ASIC2: variants seen among roughly 807,000 people sequenced by gnomAD.
The protein encoded by ASIC2 is acid-sensing ion channel 2.
A neutral mutation model predicts 57.3 loss-of-function variants in ASIC2; 25 were observed. That is an observed-to-expected ratio of 0.44 (90% CI 0.32 to 0.61). ASIC2 has a LOEUF of 0.61. Among genes scored for constraint, ASIC2 ranks in the 20% least tolerant of loss-of-function variants. ASIC2 has a pLI of 0.06. For missense variants in ASIC2, 641 were observed against 738.1 expected (o/e 0.87, Z 1.52); for synonymous variants, 319 against 307.5 (o/e 1.04, Z -0.39).
intron 1 of ASIC2, chr17:34,039,452 C>T: frequency 6.2e-7 from 1 of 1,613,636 alleles, no homozygotes; most frequent in Non-Finnish European, 8.5e-7. Context: ...GACTGCTCCT[C>T]CGTTGCCTCC....
intron 1 of ASIC2, among the ~76,000 whole-genome samples, chr17:34,052,243 C>G (rs1002657831): frequency 1.3e-5 from 2 of 152,140 alleles, no homozygotes; most frequent in Non-Finnish European, 2.9e-5. Context: ...CCTTATTGCC[C>G]CTGAGCCAAG....
At chr17:33,609,475 C>T (rs1182986711) in intron 1 of ASIC2, among the ~76,000 whole-genome samples, 1 of 152,164 alleles carries the variant, frequency 6.6e-6, no homozygotes, top group Non-Finnish European at 1.5e-5. Flanking sequence ...TTCTTCACAT[C>T]CTGATCCTCC....
intron 1 of ASIC2, among the ~76,000 whole-genome samples, chr17:33,202,675 C>A (rs187804851): frequency 6.6e-6 from 1 of 152,200 alleles, no homozygotes; most frequent in Non-Finnish European, 1.5e-5. Flanking sequence ...ATAAGAGTTG[C>A]TATGGAGAGC....
At chr17:33,782,179 AT>A (rs1453982431) in intron 1 of ASIC2, among the ~76,000 whole-genome samples, 6 of 151,906 alleles carry the variant, frequency 3.9e-5, no homozygotes, top group Non-Finnish European at 5.9e-5. Context: ...CAATTTATAC[AT>A]TTTTTCTTTT....
At chr17:33,178,060 G>T (rs1015413463) in intron 1 of ASIC2, among the ~76,000 whole-genome samples, 1 of 152,092 alleles carries the variant, frequency 6.6e-6, no homozygotes, top group Admixed American at 6.6e-5. Context: ...TCCCCTGAAG[G>T]TTATCCATGG....
At chr17:33,579,699 C>G (rs992750401) in intron 1 of ASIC2, among the ~76,000 whole-genome samples, 5 of 152,128 alleles carry the variant, frequency 3.3e-5, no homozygotes, top group African/African-American at 1.2e-4. Context: ...TACAGACCTT[C>G]GCAGCCAGCG....
At chr17:33,418,024 A>ATG (rs57341033) in intron 1 of ASIC2, among the ~76,000 whole-genome samples, 2,265 of 110,006 alleles carry the variant, frequency 0.021, 31 homozygotes, top group Non-Finnish European at 0.028. Flanking sequence ...CTCAGCATGT[A>ATG]TGTATGTGTG....
chr17:33,309,723 GACTTCTATTGTGGTAC>G (rs1788285045), intron 1 of ASIC2, among the ~76,000 whole-genome samples: 1 of 151,862 alleles, frequency 6.6e-6, no homozygotes, highest in Admixed American at 6.6e-5. Context: ...CCCTTGTGTA[GACTTCTATTGTGGTAC>G]ACATCATTTC....
intron 1 of ASIC2, among the ~76,000 whole-genome samples, chr17:33,999,063 T>C (rs1272900586): frequency 6.6e-6 from 1 of 152,168 alleles, no homozygotes; most frequent in Non-Finnish European, 1.5e-5. Context: ...TATATATATT[T>C]ATAATTGCTA....
At chr17:34,055,576 C>T (rs1908736311) in intron 1 of ASIC2, among the ~76,000 whole-genome samples, 1 of 152,172 alleles carries the variant, frequency 6.6e-6, no homozygotes, top group Admixed American at 6.5e-5. Flanking sequence ...CCCCAAGAAA[C>T]AATGATTGTG....
intron 1 of ASIC2, among the ~76,000 whole-genome samples, chr17:33,974,249 G>A (rs1905305254): frequency 6.6e-6 from 1 of 152,086 alleles, no homozygotes; most frequent in South Asian, 2.1e-4. Flanking sequence ...GTGACCATGA[G>A]TAATTCCCTC....
chr17:33,664,692 C>G (rs150395527), intron 1 of ASIC2, among the ~76,000 whole-genome samples: 44 of 152,298 alleles, frequency 2.9e-4, no homozygotes, highest in Non-Finnish European at 5.4e-4. Context: ...AGAGCTCCCC[C>G]CTCTTCTTTA....
intron 1 of ASIC2, among the ~76,000 whole-genome samples, chr17:33,325,485 G>C (rs1385557076): frequency 6.6e-6 from 1 of 152,158 alleles, no homozygotes; most frequent in Non-Finnish European, 1.5e-5. Flanking sequence ...AAGAAGGCCT[G>C]ACTGGCTGAA....
At chr17:33,538,086 G>T (rs1484003778) in intron 1 of ASIC2, among the ~76,000 whole-genome samples, 2 of 152,200 alleles carry the variant, frequency 1.3e-5, no homozygotes, top group Admixed American at 6.5e-5. Context: ...TGAGTAAAAT[G>T]CTTGGCATGC....
At chr17:33,510,994 G>A (rs1443105722) in intron 1 of ASIC2, among the ~76,000 whole-genome samples, 1 of 152,170 alleles carries the variant, frequency 6.6e-6, no homozygotes, top group Non-Finnish European at 1.5e-5. Context: ...CTGTATTACA[G>A]CACACAGCAA....
chr17:33,958,773 T>A lies in ASIC2; in HGVS notation c.555+197205A>T, dbSNP rs144374438. Among the ~76,000 whole-genome samples, 4 of 152,322 alleles carry A rather than the reference T, an allele frequency of 2.6e-5. No homozygotes were observed. The East Asian group carries it at 7.7e-4, about 29-fold the overall frequency. On this transcript the variant is annotated intron_variant, in intron 1 of 9. Transcript: ENST00000359872. ...GTCTTGGTGATTAACATTTGGCTCC[T>A]CATTACTTATGCAAATTTCTGCAGC...
chr17:33,310,762 C>T (rs1906379593), intron 1 of ASIC2, among the ~76,000 whole-genome samples: 1 of 152,106 alleles, frequency 6.6e-6, no homozygotes, highest in Non-Finnish European at 1.5e-5. Flanking sequence ...GTGATGTTTG[C>T]AGTACACAAG....
intron 1 of ASIC2, among the ~76,000 whole-genome samples, chr17:33,871,321 T>TG (rs1914400109): frequency 6.6e-6 from 1 of 152,124 alleles, no homozygotes; most frequent in Admixed American, 6.5e-5. Flanking sequence ...AAATGGAAAG[T>TG]ATTTTGGGCA....
At chr17:33,208,943 G>A (rs1314082513) in intron 1 of ASIC2, among the ~76,000 whole-genome samples, 1 of 152,126 alleles carries the variant, frequency 6.6e-6, no homozygotes, top group African/African-American at 2.4e-5. Context: ...TTCCTTTCCT[G>A]TCTCATTTCC....
Sources: allele counts gnomAD v4.1 joint callset (sites outside exome capture counted in the v4.1 genomes callset), GRCh38; gene constraint gnomAD v4.1.1; transcripts MANE v1.5; gene names NCBI Gene and HGNC (gene_info 2026-07-23, HGNC 2026-07-21).